PTGER3: variants seen among roughly 807,000 people sequenced by gnomAD.
The protein encoded by PTGER3 is prostaglandin E receptor 3.
PTGER3 carries 22 observed loss-of-function variants against 34.7 expected under a neutral mutation model. The observed-to-expected ratio is 0.63, with a 90% CI of 0.45 to 0.91. PTGER3 has a LOEUF of 0.91. Ranked by LOEUF, PTGER3 falls within the 40% of genes least tolerant of loss-of-function variation. The probability of loss-of-function intolerance (pLI) is 0.00; values close to 1 mark genes in which losing one functional copy is unlikely to be tolerated. For missense variants in PTGER3, 468 were observed against 519.4 expected, an observed-to-expected ratio of 0.90 and a Z score of 0.96; for synonymous variants, 241 against 230.1, an observed-to-expected ratio of 1.05 and a Z score of -0.43.
At chr1:70,966,120 A>C (rs1327383226), downstream of PTGER3, among the ~76,000 whole-genome samples, 2 of 152,228 alleles carry the variant, frequency 1.3e-5, no homozygotes, top group African/African-American at 4.8e-5. Flanking sequence ...TGCTCAAAGA[A>C]GTAATACAAT....
At chr1:71,012,189 T>G (rs780396378) in intron 2 of PTGER3, 116 bp downstream of exon 2, 1 of 1,596,632 alleles carries the variant, frequency 6.3e-7, no homozygotes, top group South Asian at 1.1e-5. Context: ...CCAAAAGCTG[T>G]GCACATGCAA....
At chr1:70,890,229 A>G (rs1646587544) in intron 4 of PTGER3, among the ~76,000 whole-genome samples, 2 of 152,140 alleles carry the variant, frequency 1.3e-5, no homozygotes, top group African/African-American at 4.8e-5. Context: ...AACAACACTT[A>G]TTTTGTTTCA....
chr1:70,977,640 T>A (rs1233314899), intron 2 of PTGER3, among the ~76,000 whole-genome samples: 1 of 152,062 alleles, frequency 6.6e-6, no homozygotes, highest in African/African-American at 2.4e-5. Context: ...TCTCTTCACC[T>A]CTGATTACTT....
Position 70,905,527 on chromosome 1 carries a change from T to A in PTGER3, c.*23+48236A>T, listed in dbSNP as rs1295113539. Among the ~76,000 whole-genome samples, 13 of 152,086 alleles carry A rather than the reference T, an allele frequency of 8.5e-5. 1 individual carries two copies. Among genetic ancestry groups the A allele is most frequent in the Admixed American group, 8.5e-4 (13 of 15,274 alleles). ...ACCCCTTGCATCACAGAGACCTGAA[T>A]GTGAGACATGGAGTCAAAGGATATC... On this transcript the variant is annotated intron_variant, in intron 4 of 4. Coordinates refer to the PTGER3 transcript ENST00000370931.
At chr1:70,951,156 G>A (rs896528056), downstream of PTGER3, 10 of 152,102 alleles carry the variant, frequency 6.6e-5, no homozygotes, top group African/African-American at 2.4e-4. Context: ...TAACTCTACT[G>A]TTCCTTACCT....
chr1:70,955,691 T>TA (rs35250266), intron 2 of PTGER3, among the ~76,000 whole-genome samples: 1 of 152,096 alleles, frequency 6.6e-6, no homozygotes. Flanking sequence ...ATACAGGAAA[T>TA]AAAAAAAGTT....
chr1:71,009,403 T>C (rs1311702513), intron 2 of PTGER3: 4 of 980,538 alleles, frequency 4.1e-6, no homozygotes, highest in Non-Finnish European at 4.8e-6. Context: ...TTACCTAAAA[T>C]ATCTTGGGAT....
At chr1:70,983,225 C>T (rs966855632) in intron 2 of PTGER3, among the ~76,000 whole-genome samples, 8 of 150,546 alleles carry the variant, frequency 5.3e-5, no homozygotes, top group East Asian at 2.0e-4. Flanking sequence ...TCAGAGTGCT[C>T]GAGAGGGACT....
chr1:70,980,125 A>G (rs1181722689), intron 2 of PTGER3, among the ~76,000 whole-genome samples: 1 of 152,178 alleles, frequency 6.6e-6, no homozygotes, highest in Non-Finnish European at 1.5e-5. Context: ...GAACAAAGAC[A>G]GGACTGAATG....
At chr1:70,876,490 T>C (rs1646275469) in intron 4 of PTGER3, among the ~76,000 whole-genome samples, 1 of 151,982 alleles carries the variant, frequency 6.6e-6, no homozygotes, top group Non-Finnish European at 1.5e-5. Flanking sequence ...AGTTTTGTTT[T>C]TGTTGCAATT....
At chr1:70,859,707 G>A (rs1034843024) in intron 4 of PTGER3, among the ~76,000 whole-genome samples, 5 of 152,186 alleles carry the variant, frequency 3.3e-5, no homozygotes, top group African/African-American at 4.8e-5. Flanking sequence ...GCAGGAACTC[G>A]TAAGAAATGC....
At chr1:71,030,781 C>T (rs1398761741) in intron 1 of PTGER3, among the ~76,000 whole-genome samples, 4 of 152,148 alleles carry the variant, frequency 2.6e-5, no homozygotes, top group Admixed American at 2.0e-4. Flanking sequence ...GAATCAATAG[C>T]TATTCTACAG....
chr1:71,025,111 A>G (rs1270739888), intron 1 of PTGER3, among the ~76,000 whole-genome samples: 2 of 112,314 alleles, frequency 1.8e-5, no homozygotes, highest in Non-Finnish European at 3.4e-5. Flanking sequence ...ACATCATTCA[A>G]TCCTTTTCAA....
intron 2 of PTGER3, chr1:70,998,314 T>A (rs932764581): frequency 6.6e-6 from 1 of 152,216 alleles, no homozygotes; most frequent in Non-Finnish European, 1.5e-5. Context: ...TACATGAATA[T>A]ATATTCTAAT....
At chr1:70,881,315 TA>T (rs1445685479) in intron 4 of PTGER3, among the ~76,000 whole-genome samples, 7 of 152,216 alleles carry the variant, frequency 4.6e-5, no homozygotes, top group Non-Finnish European at 1.5e-5. Context: ...TGTATTGTTT[TA>T]TTACATTCTT....
In PTGER3 at chr1:71,012,384, C is replaced by T. The variant is rs1487698090; in HGVS notation, c.998G>A (p.Arg333His). ...KECNFFLIAV[R>H]LASLNQILDP... ...CAAGATCTGGTTCAGTGAAGCCAGG[C>T]GAACAGCTATTAAGAAGAAGTTGCA... Residue 333 changes from arginine to histidine, a missense_variant, in exon 2 of 4, where the codon CGC becomes CAC. This residue lies in a region of PTGER3 where 204 missense variants were observed against 230.8 expected (regional missense o/e 0.88). Coordinates refer to ENST00000306666, the MANE Select transcript of PTGER3 (RefSeq NM_198719.2). 3.1e-6 allele frequency: 5 copies of T among 1,614,152 alleles called. No individual in the cohort carries two copies. The highest frequency in any genetic ancestry group is 4.2e-6 in the Non-Finnish European group (5 of 1,180,012).
intron 4 of PTGER3, among the ~76,000 whole-genome samples, chr1:70,863,117 C>T (rs2100491953): frequency 6.6e-6 from 1 of 151,826 alleles, no homozygotes; most frequent in Middle Eastern, 3.4e-3. Context: ...ATAACATGAG[C>T]TACAGTTGCA....
At chr1:71,016,859 T>G (rs935962902) in intron 1 of PTGER3, among the ~76,000 whole-genome samples, 1 of 152,178 alleles carries the variant, frequency 6.6e-6, no homozygotes, top group Admixed American at 6.5e-5. Flanking sequence ...AATGAAAGTC[T>G]TTTATTTAAA....
At chr1:70,930,148 T>A (rs1262335109) in intron 4 of PTGER3, among the ~76,000 whole-genome samples, 1 of 152,210 alleles carries the variant, frequency 6.6e-6, no homozygotes, top group Non-Finnish European at 1.5e-5. Flanking sequence ...TTTGGCTTCA[T>A]GGCTCCTAAA....
Sources: gnomAD v4.1 joint callset for allele counts (sites outside exome capture counted in the v4.1 genomes callset) on GRCh38, gnomAD v4.1.1 for gene constraint, gnomAD v4.1.1 regional missense constraint, MANE v1.5 for transcripts, NCBI Gene and HGNC (gene_info 2026-07-23, HGNC 2026-07-21) for gene names.